The following OSBPL9 variants were observed in gnomAD, a reference collection of about 807,000 sequenced individuals.
OSBPL9 encodes the protein oxysterol-binding protein-related protein 9.
A neutral mutation model predicts 106.6 loss-of-function variants in OSBPL9; 40 were observed. The ratio of observed to expected loss-of-function variants is 0.38; its 90% CI spans 0.29 to 0.49. The LOEUF (loss-of-function observed/expected upper bound fraction) is 0.49. Among genes scored for constraint, OSBPL9 ranks in the 20% least tolerant of loss-of-function variants. OSBPL9 has a pLI of 0.97. For missense variants in OSBPL9, 609 were observed against 887.2 expected, an observed-to-expected ratio of 0.69 and a Z score of 3.98; for synonymous variants, 269 against 295.4, an observed-to-expected ratio of 0.91 and a Z score of 0.92.
the OSBPL9 span, among the ~76,000 whole-genome samples, chr1:51,551,857 T>A: frequency 2.0e-5 from 3 of 151,952 alleles, no homozygotes; most frequent in African/African-American, 7.3e-5. Flanking sequence ...CCTTCCAGAG[T>A]GCTGGGATTA....
intron 3 of OSBPL9, chr1:51,709,383 G>C (rs1207954712): frequency 1.4e-5 from 3 of 208,614 alleles, no homozygotes; most frequent in African/African-American, 6.9e-5. Context: ...GCATAAGCAT[G>C]CACAGTTCTG....
intron 22 of OSBPL9, 98 bp from the exon 23 acceptor site, chr1:51,787,255 C>CA (rs1327322732): frequency 1.7e-6 from 2 of 1,195,542 alleles, no homozygotes; most frequent in African/African-American, 3.1e-5. Context: ...CTGTGACCTA[C>CA]AGCACTTAAA....
chr1:51,747,992 T>C (rs1419694280), intron 6 of OSBPL9, among the ~76,000 whole-genome samples: 4 of 152,162 alleles, frequency 2.6e-5, no homozygotes, highest in Non-Finnish European at 4.4e-5. Flanking sequence ...GGTTTCACCA[T>C]GTTAGCCAGG....
chr1:51,670,197 G>T (rs1649538230), intron 3 of OSBPL9, among the ~76,000 whole-genome samples: 1 of 152,162 alleles, frequency 6.6e-6, no homozygotes, highest in African/African-American at 2.4e-5. Flanking sequence ...CAATTTTAAT[G>T]ATCTTGTCCT....
chr1:51,674,947 T>C, intron 3 of OSBPL9, among the ~76,000 whole-genome samples: 1 of 152,042 alleles, frequency 6.6e-6, no homozygotes, highest in Admixed American at 6.5e-5. Context: ...TTTAAGAAAG[T>C]TTATGTATTT....
chr1:51,700,368 T>TTAG (rs2148851352), intron 3 of OSBPL9, among the ~76,000 whole-genome samples: 2 of 152,310 alleles, frequency 1.3e-5, no homozygotes, highest in African/African-American at 4.8e-5. Flanking sequence ...GTACAGTACT[T>TTAG]TTAACTAAAC....
At chr1:51,560,190 C>T in the OSBPL9 span, among the ~76,000 whole-genome samples, 10 of 152,230 alleles carry the variant, frequency 6.6e-5, no homozygotes, top group East Asian at 3.8e-4. Context: ...CACTGAGACA[C>T]GTGGCCATGG....
intron 12 of OSBPL9, among the ~76,000 whole-genome samples, chr1:51,766,708 A>G (rs1009116879): frequency 1.3e-5 from 2 of 151,280 alleles, no homozygotes; most frequent in South Asian, 4.2e-4. Flanking sequence ...AAGTCTACTT[A>G]CAGGGAAATG....
At chr1:51,677,405 C>G (rs767578751) in intron 3 of OSBPL9, among the ~76,000 whole-genome samples, 2 of 152,172 alleles carry the variant, frequency 1.3e-5, no homozygotes, top group East Asian at 1.9e-4. Context: ...TCTGTATGTC[C>G]TAACCTATAT....
rs1678413935 is a variant in OSBPL9 at position 51,789,139 on chromosome 1, T to C, written c.*1350T>C. ...CTATGATGCCAGTGCAAAACTTCAA[T>C]GGAAGCCCTAAGGCAGTAGTATAAC... On this transcript the variant is annotated 3_prime_UTR_variant, in exon 24 of 24. Transcript: ENST00000428468. 1 of 1,159,874 alleles carries C rather than the reference T, an allele frequency of 8.6e-7. No individual in the cohort carries two copies. 71.8% of individuals were successfully genotyped at this position (1,159,874 alleles called of 1,614,324 possible). A position where few individuals can be genotyped will look rare whatever the true frequency, so the allele number is the denominator to read the frequency against.
intron 4 of OSBPL9, among the ~76,000 whole-genome samples, chr1:51,719,045 T>A (rs1295575163): frequency 1.3e-5 from 2 of 152,126 alleles, no homozygotes; most frequent in Non-Finnish European, 2.9e-5. Context: ...TCTTTATATC[T>A]CTTTTGATAT....
intron 1 of OSBPL9, among the ~76,000 whole-genome samples, chr1:51,582,582 G>A (rs1403666766): frequency 1.3e-5 from 2 of 152,004 alleles, no homozygotes; most frequent in South Asian, 2.1e-4. Flanking sequence ...CACTCACTTC[G>A]GCCTCCCAAA....
At chr1:51,576,932 C>T (rs553132800), upstream of OSBPL9, among the ~76,000 whole-genome samples, 1 of 152,120 alleles carries the variant, frequency 6.6e-6, no homozygotes, top group Non-Finnish European at 1.5e-5. Context: ...ATGTATGTCC[C>T]CACCAAACCT....
At chr1:51,603,155 A>G (rs1292820985) in intron 2 of OSBPL9, among the ~76,000 whole-genome samples, 2 of 151,908 alleles carry the variant, frequency 1.3e-5, no homozygotes, top group East Asian at 3.8e-4. Flanking sequence ...ACCCTGTCTC[A>G]AAACAAAAAC....
At chr1:51,566,702 G>A in the OSBPL9 span, among the ~76,000 whole-genome samples, 1 of 152,070 alleles carries the variant, frequency 6.6e-6, no homozygotes, top group Non-Finnish European at 1.5e-5. Context: ...AACCTTATAT[G>A]GATTCTGGGC....
At chr1:51,782,383 C>T (rs925101570) in intron 16 of OSBPL9, among the ~76,000 whole-genome samples, 176 bp from the exon 17 acceptor site, 13 of 152,144 alleles carry the variant, frequency 8.5e-5, no homozygotes, top group African/African-American at 3.1e-4. Flanking sequence ...ATGTCTTAGT[C>T]TAGTCAGGGA....
intron 2 of OSBPL9, among the ~76,000 whole-genome samples, chr1:51,602,540 G>A (rs1277597213): frequency 1.4e-5 from 2 of 144,210 alleles, no homozygotes; most frequent in Admixed American, 7.1e-5. Flanking sequence ...CTCCCACCTC[G>A]GCCTCCCTGG....
intron 12 of OSBPL9, among the ~76,000 whole-genome samples, chr1:51,770,003 C>T (rs925892485): frequency 6.6e-6 from 1 of 152,166 alleles, no homozygotes; most frequent in Non-Finnish European, 1.5e-5. Context: ...GAGGGTCTCA[C>T]TCTATCACTC....
At chr1:51,756,587 A>T (rs963621200) in intron 9 of OSBPL9, 2 of 502,790 alleles carry the variant, frequency 4.0e-6, no homozygotes, top group Middle Eastern at 4.6e-4. Flanking sequence ...ATCACTTTGC[A>T]TGTATTAACT....
Sources: allele counts gnomAD v4.1 joint callset (sites outside exome capture counted in the v4.1 genomes callset), GRCh38; gene constraint gnomAD v4.1.1; transcripts MANE v1.5; gene names NCBI Gene and HGNC (gene_info 2026-07-23, HGNC 2026-07-21).